The following CCDC171 variants were observed in gnomAD, a reference collection of about 807,000 sequenced individuals.
The protein encoded by CCDC171 is coiled-coil domain-containing protein 171.
In CCDC171, 177 loss-of-function variants were observed where a neutral mutation model predicts 168.2. The ratio of observed to expected loss-of-function variants is 1.05; its 90% CI spans 0.93 to 1.19. The LOEUF (loss-of-function observed/expected upper bound fraction) is 1.19, where lower values mean the gene tolerates loss of function less well. Among genes scored for constraint, CCDC171 ranks in the 50% most tolerant of loss-of-function variants. The probability of loss-of-function intolerance (pLI) is 0.00; values close to 1 mark genes in which losing one functional copy is unlikely to be tolerated. For missense variants in CCDC171, 1,991 were observed against 1,539.0 expected (o/e 1.29, Z -4.91); for synonymous variants, 687 against 540.8 (o/e 1.27, Z -3.75).
intron 3 of CCDC171, among the ~76,000 whole-genome samples, chr9:16,019,317 G>C (rs867400647): frequency 4.5e-4 from 69 of 152,312 alleles, no homozygotes; most frequent in African/African-American, 1.5e-3. Context: ...ATCTGAGTGA[G>C]TTGATGGCTC....
chr9:15,938,800 G>A (rs1827385513), intron 25 of CCDC171, among the ~76,000 whole-genome samples: 1 of 151,822 alleles, frequency 6.6e-6, no homozygotes, highest in Admixed American at 6.6e-5. Flanking sequence ...CAGAATGTAA[G>A]GGGCCAGCTA....
At chr9:15,904,800 AG>A (rs1384784973) in intron 24 of CCDC171, among the ~76,000 whole-genome samples, 3 of 151,956 alleles carry the variant, frequency 2.0e-5, no homozygotes, top group Non-Finnish European at 2.9e-5. Flanking sequence ...AGACACACAT[AG>A]GCTCAAAATA....
intron 21 of CCDC171, among the ~76,000 whole-genome samples, chr9:15,793,210 A>G (rs1334604275): frequency 6.6e-6 from 1 of 152,106 alleles, no homozygotes; most frequent in Admixed American, 6.6e-5. Context: ...ACCAACAAAG[A>G]TCAAAAGAGA....
chr9:15,756,693 C>G (rs1373172092), intron 18 of CCDC171, among the ~76,000 whole-genome samples: 2 of 152,190 alleles, frequency 1.3e-5, no homozygotes, highest in African/African-American at 2.4e-5. Context: ...TGGTTTGGCT[C>G]TATGTCCCCA....
chr9:16,028,931 C>T (rs1833321795), intron 6 of CCDC171, among the ~76,000 whole-genome samples: 3 of 152,142 alleles, frequency 2.0e-5, no homozygotes, highest in African/African-American at 7.2e-5. Context: ...CAGACCTGTA[C>T]TGTAGTCTGA....
chr9:16,076,311 T>A, the CCDC171 span, among the ~76,000 whole-genome samples: 8 of 152,228 alleles, frequency 5.3e-5, no homozygotes, highest in African/African-American at 9.6e-5. Flanking sequence ...ACTCCATCCA[T>A]GCACCTGGTA....
At chr9:15,674,248 C>G (rs983386531) in intron 9 of CCDC171, among the ~76,000 whole-genome samples, 1 of 152,002 alleles carries the variant, frequency 6.6e-6, no homozygotes, top group Non-Finnish European at 1.5e-5. Flanking sequence ...ATTCTTCTCT[C>G]TTTTCTTGTT....
At chr9:15,675,500 G>A (rs182904629) in intron 9 of CCDC171, among the ~76,000 whole-genome samples, 12 of 152,124 alleles carry the variant, frequency 7.9e-5, no homozygotes, top group African/African-American at 2.4e-4. Flanking sequence ...TGTTTTTGCA[G>A]TGGCTGGTAC....
At chr9:15,983,784 C>A (rs997353283) in intron 3 of CCDC171, among the ~76,000 whole-genome samples, 1 of 139,212 alleles carries the variant, frequency 7.2e-6, no homozygotes, top group African/African-American at 2.7e-5. Context: ...GTTTGTTCAT[C>A]CCAAGGTAGG....
the CCDC171 span, among the ~76,000 whole-genome samples, chr9:16,084,751 G>C: frequency 2.6e-5 from 4 of 152,156 alleles, no homozygotes; most frequent in African/African-American, 7.2e-5. Context: ...GATCCAGGCA[G>C]GGTTTTGGGT....
chr9:15,767,147 C>T (rs2056767020), intron 18 of CCDC171, among the ~76,000 whole-genome samples: 1 of 152,134 alleles, frequency 6.6e-6, no homozygotes, highest in Middle Eastern at 3.2e-3. Context: ...AACAAATTGT[C>T]ACAATCTGTG....
At chr9:15,624,041 T>A (rs1387205522) in intron 7 of CCDC171, among the ~76,000 whole-genome samples, 1 of 152,216 alleles carries the variant, frequency 6.6e-6, no homozygotes. Flanking sequence ...TAAACATAAT[T>A]TGTAATCTTT....
At chr9:16,056,480 CTTTTG>C (rs1270764366) in intron 1 of CCDC171, among the ~76,000 whole-genome samples, 2 of 150,596 alleles carry the variant, frequency 1.3e-5, no homozygotes, top group Admixed American at 6.6e-5. Context: ...GTTTTTTGTT[CTTTTG>C]TTTTATTTTG....
intron 9 of CCDC171, among the ~76,000 whole-genome samples, chr9:15,671,353 A>G (rs1324505543): frequency 6.6e-6 from 1 of 150,718 alleles, no homozygotes; most frequent in Non-Finnish European, 1.5e-5. Context: ...ATTTATTTTT[A>G]TCTTTATTTT....
At chr9:15,845,419 C>A (rs1031806542) in intron 21 of CCDC171, among the ~76,000 whole-genome samples, 4 of 151,996 alleles carry the variant, frequency 2.6e-5, no homozygotes, top group Non-Finnish European at 5.9e-5. Context: ...AAGTGAATGA[C>A]TGAATTTTAA....
Position 15,779,808 on chromosome 9 carries a change from C to T in CCDC171, c.3081+658C>T, listed in dbSNP as rs1244763533. On this transcript the variant is annotated intron_variant, in intron 20 of 25. Coordinates refer to ENST00000380701, the MANE Select transcript of CCDC171 (RefSeq NM_173550.4). ...AAAGCAGAAAATAGCTGAAAAAGCA[C>T]AGTCGTATGCCAAATACCATTAGAT... Among the ~76,000 whole-genome samples the T allele has an allele frequency of 2.0e-5, 3 of 152,198 alleles. No individual in the cohort carries two copies. The East Asian group carries it at 5.8e-4, about 29-fold the overall frequency.
chr9:15,808,934 C>T (rs1256968583), intron 21 of CCDC171, among the ~76,000 whole-genome samples: 3 of 152,182 alleles, frequency 2.0e-5, no homozygotes, highest in Non-Finnish European at 2.9e-5. Context: ...TGAGGGCTTG[C>T]TTCCTCATAG....
At position 16,021,148 on chromosome 9, in the gene CCDC171, C is replaced by G. The variant is rs146969961; in HGVS notation, n.574+354C>G. Among the ~76,000 whole-genome samples the G allele has an allele frequency of 7.2e-3, 1,090 of 152,330 alleles. 10 individuals carry two copies. Among genetic ancestry groups the G allele is most frequent in the African/African-American group, 0.025 (1,039 of 41,578 alleles). ...TGTCACCCAGGCTGGAGTGCAATGG[C>G]GTGATCTCGGCGCACTGCAACCTCC... On this transcript the variant is annotated intron_variant and non_coding_transcript_variant, in intron 4 of 9. Transcript: ENST00000486641.
chr9:15,581,082 G>T (rs1049380646), intron 4 of CCDC171, among the ~76,000 whole-genome samples: 1 of 152,176 alleles, frequency 6.6e-6, no homozygotes, highest in African/African-American at 2.4e-5. Context: ...CTTCAGCAAA[G>T]CCTCAGGATA....
Sources: gnomAD v4.1 joint callset for allele counts (sites outside exome capture counted in the v4.1 genomes callset) on GRCh38, gnomAD v4.1.1 for gene constraint, MANE v1.5 for transcripts, NCBI Gene and HGNC (gene_info 2026-07-23, HGNC 2026-07-21) for gene names.